The following NTM variants were observed in gnomAD, a reference collection of about 807,000 sequenced individuals.
The protein encoded by NTM is IgLON family member 2.
Under a neutral mutation model 42.1 loss-of-function variants are expected in NTM, and 13 were observed. The observed-to-expected ratio is 0.31, with a 90% CI of 0.20 to 0.49. The LOEUF (loss-of-function observed/expected upper bound fraction) is 0.49, where lower values mean the gene tolerates loss of function less well. Ranked by LOEUF, NTM falls within the 20% of genes least tolerant of loss-of-function variation. The pLI, the probability that NTM is intolerant of heterozygous loss-of-function variation, is 0.99. For synonymous variants in NTM, 187 were observed against 179.2 expected, an observed-to-expected ratio of 1.04 and a Z score of -0.35; for missense variants, 373 against 452.8, an observed-to-expected ratio of 0.82 and a Z score of 1.60.
At chr11:132,154,682 A>G (rs1345220796) in intron 3 of NTM, among the ~76,000 whole-genome samples, 3 of 152,212 alleles carry the variant, frequency 2.0e-5, no homozygotes, top group African/African-American at 4.8e-5. Context: ...CTCCTACCTG[A>G]GAGTCCTCAT....
chr11:131,952,102 C>T (rs1343221717), intron 2 of NTM, among the ~76,000 whole-genome samples: 2 of 152,054 alleles, frequency 1.3e-5, no homozygotes, highest in Non-Finnish European at 2.9e-5. Flanking sequence ...GAAATACTTC[C>T]TTCTATTCCG....
chr11:131,992,936 C>CAG (rs1332214800), intron 2 of NTM, among the ~76,000 whole-genome samples: 2 of 152,148 alleles, frequency 1.3e-5, no homozygotes, highest in East Asian at 3.9e-4. Context: ...TGCCAATCCA[C>CAG]AGAGAGGGTG....
intron 7 of NTM, among the ~76,000 whole-genome samples, chr11:132,317,365 G>T (rs1311752322): frequency 6.6e-6 from 1 of 152,172 alleles, no homozygotes; most frequent in African/African-American, 2.4e-5. Context: ...TAGTAGCATG[G>T]CTCAGCATGA....
At chr11:131,996,381 C>T (rs189066827) in intron 2 of NTM, among the ~76,000 whole-genome samples, 76 of 152,224 alleles carry the variant, frequency 5.0e-4, no homozygotes, top group African/African-American at 1.6e-3. Context: ...AAGAGATGGA[C>T]GCGCTAGGCA....
At chr11:131,599,449 G>A (rs547438530) in intron 1 of NTM, among the ~76,000 whole-genome samples, 2 of 152,180 alleles carry the variant, frequency 1.3e-5, no homozygotes, top group African/African-American at 2.4e-5. Flanking sequence ...AGAATCTGTC[G>A]GAGTGCATGG....
At chr11:131,795,044 G>C (rs2091402461) in intron 1 of NTM, 1 of 956,468 alleles carries the variant, frequency 1.0e-6, no homozygotes, top group Non-Finnish European at 1.2e-6. Context: ...GCCAAAGGGG[G>C]GGAAAAAAAC....
intron 1 of NTM, among the ~76,000 whole-genome samples, chr11:131,889,022 G>T (rs940676046): frequency 6.6e-6 from 1 of 151,658 alleles, no homozygotes; most frequent in Non-Finnish European, 1.5e-5. Context: ...TGAGTCCCTT[G>T]TCAAAGGCTG....
At chr11:132,014,774 C>G (rs1437764583) in intron 2 of NTM, among the ~76,000 whole-genome samples, 1 of 112,750 alleles carries the variant, frequency 8.9e-6, no homozygotes, top group African/African-American at 3.5e-5. Context: ...AGTTAAGTTC[C>G]TTGTGTATTC....
intron 1 of NTM, among the ~76,000 whole-genome samples, chr11:131,513,281 T>A (rs190192766): frequency 6.6e-6 from 1 of 152,272 alleles, no homozygotes; most frequent in East Asian, 1.9e-4. Flanking sequence ...AAGCCTCCCT[T>A]CACCCACAGT....
intron 2 of NTM, among the ~76,000 whole-genome samples, chr11:131,925,383 C>CTTTTTTT (rs61493262): frequency 9.0e-6 from 1 of 111,454 alleles, no homozygotes; most frequent in Non-Finnish European, 1.8e-5. Context: ...TTTCTTTTCT[C>CTTTTTTT]TTTTTTTTTT....
At chr11:131,660,390 G>A (rs573778468) in intron 1 of NTM, 15 of 445,798 alleles carry the variant, frequency 3.4e-5, no homozygotes, top group Admixed American at 2.4e-4. Context: ...GGGGGTGAGG[G>A]TGAGGGAGGG....
chr11:131,608,442 A>G (rs891580997), intron 1 of NTM, among the ~76,000 whole-genome samples: 4 of 152,222 alleles, frequency 2.6e-5, no homozygotes, highest in Non-Finnish European at 5.9e-5. Context: ...CTTCATATCA[A>G]CTGACAGTTT....
In NTM at chr11:132,216,261, CTTA is replaced by C. The variant is rs1397797832; in HGVS notation, c.526+4117_526+4119del. 3.3e-5 allele frequency among the ~76,000 whole-genome samples: 5 copies of C among 152,284 alleles called. No homozygotes were observed. In the South Asian group the frequency reaches 8.3e-4, roughly 25 times the overall value. The stretch of plus-strand genomic sequence containing the variant: ...CTTCATAGAAAAGCATTCTGAAAGC[CTTA>C]TTGTTATGTTACCAGTTTCAGTTGG... On this transcript the variant is annotated intron_variant, in intron 4 of 8. Coordinates refer to ENST00000683400, the MANE Select transcript of NTM (RefSeq NM_001352005.2).
At chr11:131,653,372 G>A (rs1475669843) in intron 1 of NTM, among the ~76,000 whole-genome samples, 1 of 152,236 alleles carries the variant, frequency 6.6e-6, no homozygotes, top group Non-Finnish European at 1.5e-5. Flanking sequence ...ATCAGCCGGA[G>A]GGCCCTGGGG....
At chr11:131,706,978 T>G (rs931867196) in intron 1 of NTM, among the ~76,000 whole-genome samples, 1 of 152,080 alleles carries the variant, frequency 6.6e-6, no homozygotes, top group Non-Finnish European at 1.5e-5. Context: ...TACTTATCAT[T>G]TCTTTGTGAT....
chr11:131,444,288 A>G (rs1949867329), intron 1 of NTM, among the ~76,000 whole-genome samples: 1 of 151,890 alleles, frequency 6.6e-6, no homozygotes, highest in African/African-American at 2.4e-5. Flanking sequence ...ATGAAATGAG[A>G]AAAAGCAGGG....
chr11:131,455,651 G>T (rs1395149703), intron 1 of NTM, among the ~76,000 whole-genome samples: 1 of 152,140 alleles, frequency 6.6e-6, no homozygotes, highest in Admixed American at 6.5e-5. Flanking sequence ...TGAGCCCAGG[G>T]CTGGACAGAG....
intron 1 of NTM, among the ~76,000 whole-genome samples, chr11:131,778,787 A>G (rs1266151562): frequency 6.6e-6 from 1 of 152,166 alleles, no homozygotes; most frequent in African/African-American, 2.4e-5. Context: ...GGAGAACTCT[A>G]AGATGGCATC....
At chr11:131,911,281 G>T in intron 1 of NTM, 1 of 1,424,012 alleles carries the variant, frequency 7.0e-7, no homozygotes, top group Middle Eastern at 2.4e-4. Context: ...TCCGAGGCTG[G>T]CAAAAGCCGA....
Sources: gnomAD v4.1 joint callset for allele counts (sites outside exome capture counted in the v4.1 genomes callset) on GRCh38, gnomAD v4.1.1 for gene constraint, MANE v1.5 for transcripts, NCBI Gene and HGNC (gene_info 2026-07-23, HGNC 2026-07-21) for gene names.